The following UBE2D2 variants were observed in gnomAD, a reference collection of about 807,000 sequenced individuals.
UBE2D2 encodes the protein ubiquitin conjugating enzyme E2 D2.
In UBE2D2, 2 loss-of-function variants were observed where a neutral mutation model predicts 24.2. The observed-to-expected ratio is 0.08, with a 90% CI of 0.03 to 0.26. The LOEUF is 0.26. Ranked by LOEUF, UBE2D2 falls within the 10% of genes least tolerant of loss-of-function variation. The pLI, the probability that UBE2D2 is intolerant of heterozygous loss-of-function variation, is 1.00. For missense variants in UBE2D2, 44 were observed against 177.6 expected, an observed-to-expected ratio of 0.25 and a Z score of 4.28; for synonymous variants, 58 against 56.5, an observed-to-expected ratio of 1.03 and a Z score of -0.12.
At position 139,569,872 on chromosome 5, in the gene UBE2D2, A is replaced by G. The variant is rs138136842; in HGVS notation, c.24+8057A>G. ...GGATGCAGCCTTTTTTCTTTTGTTC[A>G]AACAATTGGATATTTAAACTGTGTC... On this transcript the variant is annotated intron_variant, in intron 1 of 6. Transcript: ENST00000398733. 2.6e-5 allele frequency among the ~76,000 whole-genome samples: 4 copies of G among 152,266 alleles called. No homozygotes were observed. The East Asian group carries it at 7.7e-4, about 29-fold the overall frequency.
At chr5:139,542,989 CA>C (rs1752778484) in intron 1 of UBE2D2, among the ~76,000 whole-genome samples, 1 of 152,102 alleles carries the variant, frequency 6.6e-6, no homozygotes, top group African/African-American at 2.4e-5. Context: ...CTCTGCCTCC[CA>C]GGTTCAAGCG....
chr5:139,552,719 G>A (rs1210006625), intron 1 of UBE2D2, among the ~76,000 whole-genome samples: 2 of 104,602 alleles, frequency 1.9e-5, no homozygotes, highest in Admixed American at 1.3e-4. Flanking sequence ...TTTCTCTCTT[G>A]TTGCCCAGGC....
At chr5:139,549,761 C>T (rs772490017) in intron 1 of UBE2D2, among the ~76,000 whole-genome samples, 66 of 152,222 alleles carry the variant, frequency 4.3e-4, no homozygotes, top group Admixed American at 8.5e-4. Flanking sequence ...GGCAACTCCG[C>T]CCCGGCCCAG....
intron 1 of UBE2D2, among the ~76,000 whole-genome samples, chr5:139,566,424 A>T (rs1753219881): frequency 6.6e-6 from 1 of 151,948 alleles, no homozygotes; most frequent in Non-Finnish European, 1.5e-5. Flanking sequence ...CTGTAATCCC[A>T]GCACTTTGGG....
intron 1 of UBE2D2, among the ~76,000 whole-genome samples, chr5:139,572,266 C>T (rs2126656289): frequency 6.6e-6 from 1 of 152,282 alleles, no homozygotes; most frequent in East Asian, 1.9e-4. Flanking sequence ...TGATGGAGTA[C>T]AAGCCAAAGT....
At chr5:139,549,330 G>A (rs895570648) in intron 1 of UBE2D2, among the ~76,000 whole-genome samples, 4 of 152,160 alleles carry the variant, frequency 2.6e-5, no homozygotes, top group Non-Finnish European at 4.4e-5. Context: ...CTCTGCTTGC[G>A]GGGAGGTGTG....
At chr5:139,562,277 C>T (rs1262991527) in intron 1 of UBE2D2, 6 of 1,356,368 alleles carry the variant, frequency 4.4e-6, no homozygotes, top group Non-Finnish European at 5.9e-6. Context: ...CTCGGGCTGA[C>T]AGAGGAAGCC....
chr5:139,565,973 C>T (rs1753207156), intron 1 of UBE2D2, among the ~76,000 whole-genome samples: 1 of 151,682 alleles, frequency 6.6e-6, no homozygotes, highest in African/African-American at 2.4e-5. Flanking sequence ...AGCTTTCAAA[C>T]AAAGTAATGC....
At chr5:139,545,000 C>T (rs1218277139) in intron 1 of UBE2D2, among the ~76,000 whole-genome samples, 1 of 151,682 alleles carries the variant, frequency 6.6e-6, no homozygotes, top group South Asian at 2.1e-4. Context: ...AGGATGGTCT[C>T]GATCTTTTGA....
chr5:139,579,308 C>A (rs746882237), intron 1 of UBE2D2, among the ~76,000 whole-genome samples: 2 of 152,112 alleles, frequency 1.3e-5, no homozygotes, highest in Non-Finnish European at 2.9e-5. Flanking sequence ...CCACCACACC[C>A]GGTTTATTTT....
chr5:139,588,474 C>T (rs893932941), intron 1 of UBE2D2, among the ~76,000 whole-genome samples: 1 of 152,062 alleles, frequency 6.6e-6, no homozygotes, highest in Non-Finnish European at 1.5e-5. Flanking sequence ...TGGGTTTTAC[C>T]ATGTTGGCCA....
In UBE2D2 at chr5:139,551,304, G is replaced by A. The variant is rs181373265; in HGVS notation, c.-64+24692G>A. ...GCAGAGGTTGCAGTGAGCTAAGATC[G>A]TGCCATTGCACTCCAGCCTGGGCAA... On this transcript the variant is annotated intron_variant, in intron 1 of 6. Transcript: ENST00000511725. Among the ~76,000 whole-genome samples, 111 of 152,172 alleles carry A rather than the reference G, an allele frequency of 7.3e-4. 3 individuals carry two copies. In the East Asian group the frequency reaches 0.02, roughly 27 times the overall value.
intron 6 of UBE2D2, among the ~76,000 whole-genome samples, chr5:139,624,244 ATGAATTAT>A (rs1754570755): frequency 6.6e-6 from 1 of 152,230 alleles, no homozygotes; most frequent in South Asian, 2.1e-4. Flanking sequence ...GAATTGTACT[ATGAATTAT>A]TGAACAGTGG....
chr5:139,551,503 T>A lies in UBE2D2; in HGVS notation c.-64+24891T>A, dbSNP rs148340171. On this transcript the variant is annotated intron_variant, in intron 1 of 6. Coordinates refer to the UBE2D2 transcript ENST00000511725. Reference sequence around the variant, plus strand: ...TAGTTCTGTGACATACCATGAAGAGTGTGTGTGTGTTTTAAGGGAGCTACT... The same window carrying A: ...TAGTTCTGTGACATACCATGAAGAGAGTGTGTGTGTTTTAAGGGAGCTACT... Among the ~76,000 whole-genome samples the A allele has an allele frequency of 6.6e-3, 1,002 of 151,934 alleles. 8 individuals carry two copies. Among genetic ancestry groups the A allele is most frequent in the African/African-American group, 0.023 (967 of 41,428 alleles).
At chr5:139,560,910 C>G (rs1156786351), upstream of UBE2D2, among the ~76,000 whole-genome samples, 1 of 152,202 alleles carries the variant, frequency 6.6e-6, no homozygotes, top group African/African-American at 2.4e-5. Context: ...AAGAGATGTG[C>G]TAAGTCCCAG....
At chr5:139,532,518 A>AT (rs111964181) in intron 1 of UBE2D2, among the ~76,000 whole-genome samples, 11 of 151,914 alleles carry the variant, frequency 7.2e-5, no homozygotes, top group Admixed American at 2.0e-4. Context: ...CACCCGGCTA[A>AT]TTTTTTGTAT....
chr5:139,557,733 TGA>T (rs1753001237), upstream of UBE2D2, among the ~76,000 whole-genome samples: 1 of 150,844 alleles, frequency 6.6e-6, no homozygotes, highest in Non-Finnish European at 1.5e-5. Context: ...GGCAATAGAG[TGA>T]GAGTCTGTCT....
intron 1 of UBE2D2, among the ~76,000 whole-genome samples, chr5:139,550,987 A>G (rs927660896): frequency 6.6e-6 from 1 of 152,206 alleles, no homozygotes; most frequent in Non-Finnish European, 1.5e-5. Context: ...CACGGCTCTC[A>G]GCACCACTGA....
At chr5:139,563,856 A>G (rs1244773918) in intron 1 of UBE2D2, among the ~76,000 whole-genome samples, 2 of 151,978 alleles carry the variant, frequency 1.3e-5, no homozygotes, top group African/African-American at 2.4e-5. Context: ...AATGACGTGA[A>G]CCGGGGAGGC....
Sources: allele counts gnomAD v4.1 joint callset (sites outside exome capture counted in the v4.1 genomes callset), GRCh38; gene constraint gnomAD v4.1.1; transcripts MANE v1.5; gene names NCBI Gene and HGNC (gene_info 2026-07-23, HGNC 2026-07-21).